LGSN: variants seen among roughly 807,000 people sequenced by gnomAD.
LGSN encodes the protein lengsin.
In LGSN, 21 loss-of-function variants were observed where a neutral mutation model predicts 19.5. The ratio of observed to expected loss-of-function variants is 1.07; its 90% confidence interval spans 0.76 to 1.55. The LOEUF (loss-of-function observed/expected upper bound fraction) is 1.55, where lower values mean the gene tolerates loss of function less well. Ranked by LOEUF, LGSN falls within the 40% of genes most tolerant of loss-of-function variation. The probability of loss-of-function intolerance (pLI) is 0.00; values close to 1 mark genes in which losing one functional copy is unlikely to be tolerated. For synonymous variants in LGSN, 257 were observed against 215.6 expected (o/e 1.19, Z -1.68); for missense variants, 673 against 608.5 (o/e 1.11, Z -1.12).
the LGSN span, among the ~76,000 whole-genome samples, chr6:63,345,380 C>G: frequency 6.6e-6 from 1 of 152,088 alleles, no homozygotes; most frequent in African/African-American, 2.4e-5. Context: ...AACAGAAAAT[C>G]TAAAATAATA....
At chr6:63,389,720 T>C in the LGSN span, among the ~76,000 whole-genome samples, 1 of 152,208 alleles carries the variant, frequency 6.6e-6, no homozygotes, top group Non-Finnish European at 1.5e-5. Flanking sequence ...CAAACCATGA[T>C]AGTTCATGAA....
Position 63,285,764 on chromosome 6 carries a change from A to G in LGSN, c.164-11T>C. On this transcript the variant is annotated splice_polypyrimidine_tract_variant and intron_variant, in intron 2 of 3. Coordinates refer to ENST00000370657, the MANE Select transcript of LGSN (RefSeq NM_016571.3). ...TGTCCCTCATGCAATCTGCAAAATAAAAAAATAGGTTCTAACTCACGAGAT... is the reference window on the plus strand; with the variant it reads ...TGTCCCTCATGCAATCTGCAAAATAGAAAAATAGGTTCTAACTCACGAGAT... 1 of 1,612,570 alleles carries G rather than the reference A, an allele frequency of 6.2e-7. No homozygotes were observed. Among genetic ancestry groups the G allele is most frequent in the Admixed American group, 1.7e-5 (1 of 59,950 alleles).
At chr6:63,374,904 AG>A in the LGSN span, among the ~76,000 whole-genome samples, 1 of 152,214 alleles carries the variant, frequency 6.6e-6, no homozygotes, top group South Asian at 2.1e-4. Context: ...GTGCAAGTAC[AG>A]TCTTGTAATA....
At chr6:63,518,236 A>G in the LGSN span, among the ~76,000 whole-genome samples, 1 of 151,964 alleles carries the variant, frequency 6.6e-6, no homozygotes, top group Non-Finnish European at 1.5e-5. Flanking sequence ...CTTTTCCATA[A>G]CTTTATTGCT....
chr6:63,418,333 T>C, the LGSN span, among the ~76,000 whole-genome samples: 6 of 151,852 alleles, frequency 4.0e-5, no homozygotes, highest in African/African-American at 1.5e-4. Context: ...GAGGCCGAGG[T>C]GGGTGGATCG....
chr6:63,503,182 G>C, the LGSN span, among the ~76,000 whole-genome samples: 1 of 151,846 alleles, frequency 6.6e-6, no homozygotes, highest in Non-Finnish European at 1.5e-5. Flanking sequence ...ATTACTTCTA[G>C]CTATGGTCTC....
the LGSN span, among the ~76,000 whole-genome samples, chr6:63,446,688 A>G: frequency 1.3e-4 from 20 of 152,248 alleles, no homozygotes; most frequent in Non-Finnish European, 2.5e-4. Context: ...TTTTCAGTTC[A>G]TGCTGGCTGT....
chr6:63,549,460 GC>G, the LGSN span: 1 of 792,474 alleles, frequency 1.3e-6, no homozygotes, highest in Non-Finnish European at 2.2e-6. Context: ...CTTCACGACA[GC>G]AGGGCCGGAG....
At chr6:63,352,921 T>C in the LGSN span, among the ~76,000 whole-genome samples, 767 of 152,024 alleles carry the variant, frequency 5.0e-3, 2 homozygotes, top group African/African-American at 0.018. Context: ...AGAAGACACA[T>C]CCGGTGGTCA....
the LGSN span, among the ~76,000 whole-genome samples, chr6:63,562,183 T>C: frequency 6.6e-6 from 1 of 151,582 alleles, no homozygotes; most frequent in African/African-American, 2.4e-5. Context: ...CTTAAAGACA[T>C]TAAGATATTT....
the LGSN span, among the ~76,000 whole-genome samples, chr6:63,552,180 T>A: frequency 6.6e-6 from 1 of 152,184 alleles, no homozygotes; most frequent in Non-Finnish European, 1.5e-5. Context: ...GTGTTCCTAT[T>A]TCTCCACATC....
chr6:63,538,218 A>G, the LGSN span, among the ~76,000 whole-genome samples: 208 of 152,188 alleles, frequency 1.4e-3, no homozygotes, highest in Non-Finnish European at 2.2e-3. Context: ...TCAAAAGGAA[A>G]TGTTTCCCAA....
At chr6:63,526,837 T>TATATATATATA in the LGSN span, among the ~76,000 whole-genome samples, 220 of 87,530 alleles carry the variant, frequency 2.5e-3, 1 homozygote, top group African/African-American at 8.0e-3. Flanking sequence ...ATATATATAT[T>TATATATATATA]TATTTATTTA....
the LGSN span, among the ~76,000 whole-genome samples, chr6:63,470,172 G>T: frequency 6.6e-6 from 1 of 151,794 alleles, no homozygotes; most frequent in Non-Finnish European, 1.5e-5. Context: ...AGGCAGGCAC[G>T]CACTCAGACT....
the LGSN span, among the ~76,000 whole-genome samples, chr6:63,455,377 G>C: frequency 1.4e-4 from 21 of 152,328 alleles, no homozygotes; most frequent in East Asian, 4.0e-3. Context: ...AAAGAACAAT[G>C]CATAGCCAAT....
the LGSN span, among the ~76,000 whole-genome samples, chr6:63,375,518 T>A: frequency 6.6e-6 from 1 of 152,028 alleles, no homozygotes; most frequent in Non-Finnish European, 1.5e-5. Flanking sequence ...TTATTCAGAT[T>A]CCCTAGGTTG....
the LGSN span, among the ~76,000 whole-genome samples, chr6:63,553,748 T>C: frequency 1.3e-5 from 2 of 152,168 alleles, no homozygotes; most frequent in Admixed American, 6.5e-5. Context: ...TAAAATTCAC[T>C]GAAGGATTGT....
the LGSN span, among the ~76,000 whole-genome samples, chr6:63,534,589 A>G: frequency 6.6e-6 from 1 of 152,062 alleles, no homozygotes; most frequent in Non-Finnish European, 1.5e-5. Flanking sequence ...CTGAGGCTAG[A>G]GAATTGCTTG....
At chr6:63,287,848 GGTA>G (rs1171472404) in intron 2 of LGSN, among the ~76,000 whole-genome samples, 1 of 152,098 alleles carries the variant, frequency 6.6e-6, no homozygotes, top group Non-Finnish European at 1.5e-5. Flanking sequence ...TAGGATAACA[GGTA>G]GTCTTACTAG....
Sources: allele counts gnomAD v4.1 joint callset (sites outside exome capture counted in the v4.1 genomes callset), GRCh38; gene constraint gnomAD v4.1.1; transcripts MANE v1.5; gene names NCBI Gene and HGNC (gene_info 2026-07-23, HGNC 2026-07-21).